The following RAB20 variants were observed in gnomAD, a reference collection of about 807,000 sequenced individuals.
The protein encoded by RAB20 is ras-related protein Rab-20.
In RAB20, 2 loss-of-function variants were observed where a neutral mutation model predicts 3.7. That is an observed-to-expected ratio of 0.54 (90% CI 0.22 to 1.69). RAB20 has a LOEUF of 1.69. Ranked by LOEUF, RAB20 falls within the 40% of genes most tolerant of loss-of-function variation. The probability of loss-of-function intolerance (pLI) is 0.19; values close to 1 mark genes in which losing one functional copy is unlikely to be tolerated. For synonymous variants in RAB20, 126 were observed against 130.8 expected, an observed-to-expected ratio of 0.96 and a Z score of 0.25; for missense variants, 276 against 311.9, an observed-to-expected ratio of 0.88 and a Z score of 0.87.
intron 1 of RAB20, among the ~76,000 whole-genome samples, chr13:110,543,448 A>G (rs1884800669): frequency 6.6e-6 from 1 of 152,140 alleles, no homozygotes; most frequent in Non-Finnish European, 1.5e-5. Context: ...CTCATTGTTT[A>G]ATCTGGTTGT....
chr13:110,523,139 T>C lies in RAB20; in HGVS notation c.*526A>G. ...TGCAATCAGTATAAAAACAAAGTTA[T>C]TCCTGATTTTGTATAAATGAACACG... On this transcript the variant is annotated 3_prime_UTR_variant, in exon 2 of 2. Transcript: ENST00000267328. 1 of 399,096 alleles carries C rather than the reference T, an allele frequency of 2.5e-6. No homozygotes were observed. Among genetic ancestry groups the C allele is most frequent in the Non-Finnish European group, 4.4e-6 (1 of 227,024 alleles). The allele number at this position is 399,096 out of a possible 1,614,324, so 24.7% of individuals were successfully genotyped here. A position where few individuals can be genotyped will look rare whatever the true frequency, so the allele number is the denominator to read the frequency against.
chr13:110,531,040 T>TGCA (rs1884530139), intron 1 of RAB20, among the ~76,000 whole-genome samples: 1 of 152,236 alleles, frequency 6.6e-6, no homozygotes, highest in Non-Finnish European at 1.5e-5. Context: ...AAGCGCTGCA[T>TGCA]TAGCTATGGG....
Position 110,561,663 on chromosome 13 carries a change from G to T in RAB20, c.-144C>A, listed in dbSNP as rs1885139260. On this transcript the variant is annotated 5_prime_UTR_variant, in exon 1 of 2. Coordinates refer to ENST00000267328, the MANE Select transcript of RAB20 (RefSeq NM_017817.3). ...CGCTCCGGGACCTTCGCCTCCGGACGCCCGGGAGCTCAAGAGAGGAAGCGC... is the reference window on the plus strand; with the variant it reads ...CGCTCCGGGACCTTCGCCTCCGGACTCCCGGGAGCTCAAGAGAGGAAGCGC... 8 of 1,352,558 alleles carry T rather than the reference G, an allele frequency of 5.9e-6. No homozygotes were observed. In the East Asian group the frequency reaches 2.1e-4, roughly 36 times the overall value. The allele number at this position is 1,352,558 out of a possible 1,614,324, so 83.8% of individuals were successfully genotyped here.
At position 110,523,706 on chromosome 13, in the gene RAB20, G is replaced by A; in HGVS notation, c.664C>T (p.His222Tyr). The A allele has an allele frequency of 6.2e-7, 1 of 1,614,196 alleles. No individual in the cohort carries two copies. The highest frequency in any genetic ancestry group is 8.5e-7 in the Non-Finnish European group (1 of 1,180,046). ...RPSHTVDISS[H>Y]KPPKRTRSGC... ...GATCTGGTCCTCTTGGGTGGCTTAT[G>A]ACTGGATATATCCACTGTGTGTGAC... The change falls in exon 2 of 2, where the codon CAT becomes TAT. Residue 222 changes from histidine (H) to tyrosine (Y), a missense_variant. Physicochemically the swap from His to Tyr is moderately conservative, Grantham distance 83. Transcript: ENST00000267328.
chr13:110,540,056 G>A (rs1468569243), intron 1 of RAB20, among the ~76,000 whole-genome samples: 2 of 152,242 alleles, frequency 1.3e-5, no homozygotes, highest in Non-Finnish European at 2.9e-5. Context: ...GCAGGAAGAA[G>A]CTTAGTTCTC....
At chr13:110,545,589 C>T (rs908692149) in intron 1 of RAB20, among the ~76,000 whole-genome samples, 3 of 152,180 alleles carry the variant, frequency 2.0e-5, no homozygotes, top group Non-Finnish European at 4.4e-5. Context: ...AGTGTTCACT[C>T]TACACACATC....
Position 110,555,965 on chromosome 13 carries a change from A to G in RAB20, c.172+5383T>C, listed in dbSNP as rs1228977413. On this transcript the variant is annotated intron_variant, in intron 1 of 1. Coordinates refer to ENST00000267328, the MANE Select transcript of RAB20 (RefSeq NM_017817.3). This position sits in a 1 kb window ranked among gnomAD's most constrained non-coding sequence, Gnocchi z 4.0. ...TGACAGGCACCCAAGGCCAGGAGAC[A>G]ATGTTTGTTTAGCAAAACTCACATG... Among the ~76,000 whole-genome samples, 2 of 152,216 alleles carry G rather than the reference A, an allele frequency of 1.3e-5. No homozygotes were observed. Among genetic ancestry groups the G allele is most frequent in the African/African-American group, 4.8e-5 (2 of 41,454 alleles).
At chr13:110,552,472 T>C (rs1451333420) in intron 1 of RAB20, among the ~76,000 whole-genome samples, 2 of 151,456 alleles carry the variant, frequency 1.3e-5, no homozygotes, top group Admixed American at 6.6e-5. Context: ...GGCGGGTGGA[T>C]CACAAGGTCA....
intron 1 of RAB20, among the ~76,000 whole-genome samples, chr13:110,532,911 G>A (rs915850693): frequency 2.0e-5 from 3 of 152,154 alleles, no homozygotes; most frequent in Non-Finnish European, 4.4e-5. Context: ...GAACTCCTGG[G>A]TTCATGCTAT....
intron 1 of RAB20, among the ~76,000 whole-genome samples, chr13:110,547,293 C>T (rs1052570301): frequency 1.7e-4 from 26 of 152,214 alleles, no homozygotes; most frequent in Non-Finnish European, 1.6e-4. Context: ...AGCTCAGACA[C>T]GAGGCGCAAC....
At chr13:110,526,516 G>A (rs1486376363) in intron 1 of RAB20, among the ~76,000 whole-genome samples, 1 of 152,178 alleles carries the variant, frequency 6.6e-6, no homozygotes, top group Non-Finnish European at 1.5e-5. Flanking sequence ...CACTCTGAGG[G>A]CAACTTCCCC....
chr13:110,554,905 C>T (rs983702263), intron 1 of RAB20, among the ~76,000 whole-genome samples: 1 of 152,078 alleles, frequency 6.6e-6, no homozygotes, highest in Non-Finnish European at 1.5e-5. Flanking sequence ...ACTGAGAAAC[C>T]CGTACTCTAG....
intron 1 of RAB20, among the ~76,000 whole-genome samples, chr13:110,543,731 T>C (rs992770367): frequency 2.0e-5 from 3 of 152,060 alleles, no homozygotes; most frequent in Non-Finnish European, 4.4e-5. Flanking sequence ...CTAATAGTTA[T>C]AGTTTCAGGT....
chr13:110,559,215 C>G (rs1885092182), intron 1 of RAB20, among the ~76,000 whole-genome samples: 1 of 152,118 alleles, frequency 6.6e-6, no homozygotes, highest in Non-Finnish European at 1.5e-5. Flanking sequence ...ACCTGCACCC[C>G]CACCCCAGCC....
intron 1 of RAB20, among the ~76,000 whole-genome samples, chr13:110,551,585 G>A (rs1884951432): frequency 6.6e-6 from 1 of 152,176 alleles, no homozygotes. Flanking sequence ...AAACGAAGCT[G>A]GAACCTGCCT....
At chr13:110,531,045 T>G (rs4773212) in intron 1 of RAB20, among the ~76,000 whole-genome samples, 62,125 of 152,202 alleles carry the variant, frequency 0.41, 13,210 homozygotes, top group African/African-American at 0.53. Flanking sequence ...CTGCATTAGC[T>G]ATGGGAAGAA....
rs199741920 is a variant in RAB20, at chr13:110,552,692, C to CAAATAAATAAAT, written c.172+8644_172+8655dup. Among the ~76,000 whole-genome samples, 178 of 144,760 alleles carry CAAATAAATAAAT rather than the reference C, an allele frequency of 1.2e-3. 1 individual carries two copies. The highest frequency in any genetic ancestry group is 4.0e-3 in the African/African-American group (155 of 38,410). The allele number at this position is 144,760 out of a possible 152,430, so 95.0% of individuals were successfully genotyped here. A position where few individuals can be genotyped will look rare whatever the true frequency, so the allele number is the denominator to read the frequency against. Reference sequence around the variant, plus strand: ...TGGGGGACAGAGTGAGACTCCATCTCAAATAAATAAATAAATAAATAAATA... The same window carrying CAAATAAATAAAT: ...TGGGGGACAGAGTGAGACTCCATCTCAAATAAATAAATAAATAAATAAATAAATAAATAAATA... On this transcript the variant is annotated intron_variant, in intron 1 of 1. Transcript: ENST00000267328.
At chr13:110,527,837 T>C (rs983926990) in intron 1 of RAB20, among the ~76,000 whole-genome samples, 16 of 151,278 alleles carry the variant, frequency 1.1e-4, no homozygotes, top group Admixed American at 4.6e-4. Context: ...GGCAGGAGGA[T>C]TGCTTGAGGC....
intron 1 of RAB20, among the ~76,000 whole-genome samples, chr13:110,538,669 CA>C (rs1425100100): frequency 6.6e-6 from 1 of 151,164 alleles, no homozygotes; most frequent in Non-Finnish European, 1.5e-5. Flanking sequence ...TGAGCAAACC[CA>C]AAAGTCAAGC....
Sources: allele counts gnomAD v4.1 joint callset (sites outside exome capture counted in the v4.1 genomes callset), GRCh38; gene constraint gnomAD v4.1.1; non-coding constraint Gnocchi (gnomAD v3.1); transcripts MANE v1.5; gene names NCBI Gene and HGNC (gene_info 2026-07-23, HGNC 2026-07-21).